Variants in DYNC1LI2 observed in about 807,000 individuals in gnomAD.
The protein encoded by DYNC1LI2 is dynein cytoplasmic 1 light intermediate chain 2.
A neutral mutation model predicts 57.8 loss-of-function variants in DYNC1LI2; 19 were observed. That is an observed-to-expected ratio of 0.33 (90% CI 0.23 to 0.48). The LOEUF is 0.48. Among genes scored for constraint, DYNC1LI2 ranks in the 20% least tolerant of loss-of-function variants. The probability of loss-of-function intolerance (pLI) is 0.99; values close to 1 mark genes in which losing one functional copy is unlikely to be tolerated. For missense variants in DYNC1LI2, 470 were observed against 604.2 expected (o/e 0.78, Z 2.33); for synonymous variants, 256 against 233.4 (o/e 1.10, Z -0.88).
rs1490766943 is a variant in DYNC1LI2, at chr16:66,722,130, A to T, written c.*1592T>A. The T allele has an allele frequency of 6.5e-6, 1 of 152,684 alleles. No homozygotes were observed. The highest frequency in any genetic ancestry group is 2.4e-5 in the African/African-American group (1 of 41,476). The allele number at this position is 152,684 out of a possible 1,614,324, so 9.5% of individuals were successfully genotyped here. A position where few individuals can be genotyped will look rare whatever the true frequency, so the allele number is the denominator to read the frequency against. ...GTTGATACTCAGCTTTCTCCTTAAC[A>T]GTGTTCAGACCTTTACGAAAGCAAT... On this transcript the variant is annotated 3_prime_UTR_variant, in exon 13 of 13. Transcript: ENST00000258198.
Position 66,723,473 on chromosome 16 carries a change from T to C in DYNC1LI2, c.*249A>G. 1.7e-6 allele frequency: 1 copy of C among 593,340 alleles called. No individual in the cohort carries two copies. The highest frequency in any genetic ancestry group is 3.2e-6 in the Non-Finnish European group (1 of 316,890). 36.8% of individuals were successfully genotyped at this position (593,340 alleles called of 1,614,324 possible). A position where few individuals can be genotyped will look rare whatever the true frequency, so the allele number is the denominator to read the frequency against. Reference sequence around the variant, plus strand: ...CCCTCCACAAGAAGCCCAGATGTGCTTGCCTCCCACAAAAGAGCCACATGC... The same window carrying C: ...CCCTCCACAAGAAGCCCAGATGTGCCTGCCTCCCACAAAAGAGCCACATGC... On this transcript the variant is annotated 3_prime_UTR_variant, in exon 13 of 13. Transcript: ENST00000258198.
At chr16:66,750,987 G>A (rs1936004007) in intron 2 of DYNC1LI2, among the ~76,000 whole-genome samples, 1 of 152,078 alleles carries the variant, frequency 6.6e-6, no homozygotes. Flanking sequence ...CCCTCTCCAC[G>A]ACCTCAATTT....
intron 2 of DYNC1LI2, 35 bp from the exon 3 acceptor site, chr16:66,749,348 TTTA>T: frequency 6.2e-7 from 1 of 1,602,720 alleles, no homozygotes; most frequent in South Asian, 1.1e-5. Context: ...AGGTGTACTG[TTTA>T]TTCCGGGCAA....
Position 66,730,172 on chromosome 16 carries a change from A to G in DYNC1LI2, c.981T>C (p.Phe327=). 3 of 1,614,060 alleles carry G rather than the reference A, an allele frequency of 1.9e-6. No homozygotes were observed. Among genetic ancestry groups the G allele is most frequent in the Non-Finnish European group, 2.5e-6 (3 of 1,180,008 alleles). ...EKKIAILHEN[F]TTVKPEDAYE... is the part of the protein sequence containing the mutation. Reference sequence around the variant, plus strand: ...ATGCATCTTCCGGCTTCACGGTTGTAAAATTTTCATGTAAAATAGCTATTT... The same window carrying G: ...ATGCATCTTCCGGCTTCACGGTTGTGAAATTTTCATGTAAAATAGCTATTT... Residue 327 remains phenylalanine (F), a synonymous_variant, in exon 8 of 13, where the codon TTT becomes TTC. Coordinates refer to ENST00000258198, the MANE Select transcript of DYNC1LI2 (RefSeq NM_006141.3).
chr16:66,749,007 A>G (rs187822979), intron 3 of DYNC1LI2, among the ~76,000 whole-genome samples, 190 bp downstream of exon 3: 23 of 152,290 alleles, frequency 1.5e-4, no homozygotes, highest in Non-Finnish European at 2.4e-4. Context: ...CCATTCCCCA[A>G]TTTTGCTAAC....
Position 66,751,361 on chromosome 16 carries a change from G to T in DYNC1LI2, c.108-15C>A. On this transcript the variant is annotated splice_polypyrimidine_tract_variant and intron_variant, in intron 1 of 12. Coordinates refer to ENST00000258198, the MANE Select transcript of DYNC1LI2 (RefSeq NM_006141.3). The surrounding 1 kb of genome is among the most constrained non-coding windows in gnomAD (Gnocchi z 5.2). ...GAATGGAGGACCTGTGGCGACAATG[G>T]CAAGAGTGGTCAGCCCCGGGCCGGG... is the stretch of plus-strand genomic sequence containing the variant. 1.2e-6 allele frequency: 2 copies of T among 1,610,422 alleles called. No individual in the cohort carries two copies. Among genetic ancestry groups the T allele is most frequent in the African/African-American group, 2.7e-5 (2 of 74,376 alleles).
Position 66,723,584 on chromosome 16 carries a change from G to GTTTTT in DYNC1LI2, c.*133_*137dup. The GTTTTT allele has an allele frequency of 3.4e-6, 2 of 584,116 alleles. No homozygotes were observed. Among genetic ancestry groups the GTTTTT allele is most frequent in the Non-Finnish European group, 5.8e-6 (2 of 344,618 alleles). The allele number at this position is 584,116 out of a possible 1,614,324, so 36.2% of individuals were successfully genotyped here. On this transcript the variant is annotated 3_prime_UTR_variant, in exon 13 of 13. Coordinates refer to ENST00000258198, the MANE Select transcript of DYNC1LI2 (RefSeq NM_006141.3). ...TTTCACACTCGGACAAGCCAATGAA[G>GTTTTT]TTTTTTTTTTTTTTTTAAAGTTCAT...
chr16:66,723,658 T>C lies in DYNC1LI2; in HGVS notation c.*64A>G. On this transcript the variant is annotated 3_prime_UTR_variant, in exon 13 of 13. Transcript: ENST00000258198. ...AGCATGTGCCATATCAGAAAAATCC[T>C]GGTCTTAGCAGATCAATATACATAG... 6.9e-7 allele frequency: 1 copy of C among 1,458,322 alleles called. No individual in the cohort carries two copies. The highest frequency in any genetic ancestry group is 9.3e-7 in the Non-Finnish European group (1 of 1,072,200). The allele number at this position is 1,458,322 out of a possible 1,614,324, so 90.3% of individuals were successfully genotyped here.
chr16:66,738,545 C>G (rs555709600), intron 4 of DYNC1LI2, among the ~76,000 whole-genome samples: 1 of 151,928 alleles, frequency 6.6e-6, no homozygotes, highest in African/African-American at 2.4e-5. Flanking sequence ...CCACAGCACC[C>G]GGCCTACAGC....
rs1199242918 is a variant in DYNC1LI2, at chr16:66,721,636, A to C, written c.*2086T>G. 1 of 152,612 alleles carries C rather than the reference A, an allele frequency of 6.6e-6. No individual in the cohort carries two copies. Among genetic ancestry groups the C allele is most frequent in the Non-Finnish European group, 1.5e-5 (1 of 68,040 alleles). 9.5% of individuals were successfully genotyped at this position (152,612 alleles called of 1,614,324 possible). A position where few individuals can be genotyped will look rare whatever the true frequency, so the allele number is the denominator to read the frequency against. On this transcript the variant is annotated 3_prime_UTR_variant, in exon 13 of 13. Transcript: ENST00000258198. ...TGTATCAGCTTCTTCTGATACTAGG[A>C]GCTTCCACTTCTCATGAGTAAATAA...
intron 12 of DYNC1LI2, 69 bp from the exon 13 acceptor site, chr16:66,723,891 G>T: frequency 7.4e-7 from 1 of 1,358,570 alleles, no homozygotes. Context: ...TTTTAAAGGA[G>T]CATTTAAAAT....
rs1016711900 is a variant in DYNC1LI2, at chr16:66,751,197, G to C, written c.181+76C>G. ...GCGGGCAGGCGGCTGGAACGGGGAAGGCGGGGACCTGAGGGAGGGGCGCCC... is the reference window on the plus strand; with the variant it reads ...GCGGGCAGGCGGCTGGAACGGGGAACGCGGGGACCTGAGGGAGGGGCGCCC... On this transcript the variant is annotated intron_variant, in intron 2 of 12. Transcript: ENST00000258198. The surrounding 1 kb of genome is among the most constrained non-coding windows in gnomAD (Gnocchi z 5.2). 1 of 1,502,030 alleles carries C rather than the reference G, an allele frequency of 6.7e-7. No homozygotes were observed. The highest frequency in any genetic ancestry group is 9.0e-7 in the Non-Finnish European group (1 of 1,107,278). The allele number at this position is 1,502,030 out of a possible 1,614,324, so 93.0% of individuals were successfully genotyped here.
chr16:66,735,575 C>T (rs2017719743), intron 5 of DYNC1LI2, among the ~76,000 whole-genome samples: 1 of 151,948 alleles, frequency 6.6e-6, no homozygotes, highest in South Asian at 2.1e-4. Context: ...GGCATGATCT[C>T]GGCTCACTGC....
At chr16:66,745,066 G>A (rs570994396) in intron 3 of DYNC1LI2, among the ~76,000 whole-genome samples, 4 of 151,540 alleles carry the variant, frequency 2.6e-5, no homozygotes, top group South Asian at 2.1e-4. Context: ...GCACCACTAC[G>A]CCCAGCTAAT....
rs1304546209 is a variant in DYNC1LI2 at position 66,728,246 on chromosome 16, CAA to C, written c.1102-6_1102-5del. The C allele has an allele frequency of 1.9e-6, 3 of 1,613,922 alleles. No homozygotes were observed. Among genetic ancestry groups the C allele is most frequent in the Admixed American group, 1.7e-5 (1 of 59,994 alleles). On this transcript the variant is annotated splice_region_variant and splice_polypyrimidine_tract_variant and intron_variant, in intron 9 of 12. Coordinates refer to ENST00000258198, the MANE Select transcript of DYNC1LI2 (RefSeq NM_006141.3). ...CTGGTTGCTTGGCAAGGAGTGACTG[CAA>C]AGAGAGGGACAAACTGGCTATTAAC...
intron 9 of DYNC1LI2, among the ~76,000 whole-genome samples, chr16:66,728,537 GC>G (rs1157358095): frequency 1.3e-5 from 2 of 152,196 alleles, no homozygotes; most frequent in African/African-American, 4.8e-5. Context: ...CTGCTGACCT[GC>G]CTGTACCACT....
At chr16:66,738,336 C>T (rs1304992477) in intron 4 of DYNC1LI2, 1 of 150,980 alleles carries the variant, frequency 6.6e-6, no homozygotes, top group Non-Finnish European at 1.5e-5. Context: ...GCATCCTCCA[C>T]CTGCCGGGTT....
Position 66,751,515 on chromosome 16 carries a change from G to C in DYNC1LI2, c.77C>G (p.Thr26Ser), listed in dbSNP as rs986510486. ...GPAVAAAGDL[T>S]SEEEEGQSLW... ...GCTCTGGCCTTCCTCCTCCTCACTG[G>C]TCAGGTCGCCGGCGGCCGCCACCGC... Residue 26 changes from threonine to serine, a missense_variant, in exon 1 of 13, where the codon ACC (threonine) becomes AGC (serine). Transcript: ENST00000258198. This position sits in a 1 kb window ranked among gnomAD's most constrained non-coding sequence, Gnocchi z 5.2. 3.1e-6 allele frequency: 5 copies of C among 1,589,032 alleles called. No individual in the cohort carries two copies. Among genetic ancestry groups the C allele is most frequent in the Non-Finnish European group, 4.3e-6 (5 of 1,170,090 alleles).
intron 11 of DYNC1LI2, among the ~76,000 whole-genome samples, 172 bp from the exon 12 acceptor site, chr16:66,726,116 T>C (rs2017532408): frequency 6.6e-6 from 1 of 152,224 alleles, no homozygotes; most frequent in Non-Finnish European, 1.5e-5. Flanking sequence ...CTACTTAGCA[T>C]GATTACTAAG....
Sources: allele counts gnomAD v4.1 joint callset (sites outside exome capture counted in the v4.1 genomes callset), GRCh38; gene constraint gnomAD v4.1.1; non-coding constraint Gnocchi (gnomAD v3.1); transcripts MANE v1.5; gene names NCBI Gene and HGNC (gene_info 2026-07-23, HGNC 2026-07-21).